CD44: variants seen among roughly 807,000 people sequenced by gnomAD.
The protein encoded by CD44 is CD44 antigen.
Under a neutral mutation model 88.8 loss-of-function variants are expected in CD44, and 49 were observed. That is an observed-to-expected ratio of 0.55 (90% CI 0.44 to 0.70). CD44 has a LOEUF of 0.70. CD44 is among the 30% of genes least tolerant of loss of function. CD44 has a pLI of 0.00. For missense variants in CD44, 883 were observed against 913.8 expected, an observed-to-expected ratio of 0.97 and a Z score of 0.43; for synonymous variants, 325 against 312.3, an observed-to-expected ratio of 1.04 and a Z score of -0.43.
At chr11:35,159,361 T>C (rs550095456) in intron 1 of CD44, among the ~76,000 whole-genome samples, 1 of 152,366 alleles carries the variant, frequency 6.6e-6, no homozygotes, top group South Asian at 2.1e-4. Context: ...TAGGAGTATT[T>C]ACATGTGTGT....
At chr11:35,197,078 AT>A in intron 6 of CD44, 1 of 545,342 alleles carries the variant, frequency 1.8e-6, no homozygotes, top group Non-Finnish European at 3.3e-6. Flanking sequence ...TAATCTATGG[AT>A]TAGTATAGAC....
At chr11:35,205,613 G>A (rs187580253) in intron 10 of CD44, 4 of 159,928 alleles carry the variant, frequency 2.5e-5, no homozygotes, top group African/African-American at 4.8e-5. Flanking sequence ...TGCTTCTAAC[G>A]GATTCCATTC....
At chr11:35,180,161 C>T in intron 2 of CD44, 113 bp from the exon 3 acceptor site, 16 of 1,058,870 alleles carry the variant, frequency 1.5e-5, no homozygotes, top group Non-Finnish European at 2.3e-5. Context: ...CTCCGATATC[C>T]CTAGGGGTGA....
chr11:35,170,851 T>TG (rs1943793269), intron 1 of CD44, among the ~76,000 whole-genome samples: 1 of 152,238 alleles, frequency 6.6e-6, no homozygotes, highest in Non-Finnish European at 1.5e-5. Context: ...CCAGAGACAC[T>TG]GGCACTCTGT....
At chr11:35,198,321 T>C in intron 7 of CD44, 75 bp downstream of exon 7, 7 of 1,395,254 alleles carry the variant, frequency 5.0e-6, no homozygotes, top group Non-Finnish European at 6.9e-6. Context: ...AAATTGTATC[T>C]CTCTTGAGAA....
At position 35,189,947 on chromosome 11, in the gene CD44, C is replaced by T; in HGVS notation, c.549C>T (p.Ser183=). 2.5e-6 allele frequency: 4 copies of T among 1,613,958 alleles called. No homozygotes were observed. The highest frequency in any genetic ancestry group is 3.4e-6 in the Non-Finnish European group (4 of 1,179,802). Residue 183 remains serine, a synonymous_variant, in exon 5 of 18, where the codon TCC becomes TCT. Coordinates refer to ENST00000428726, the MANE Select transcript of CD44 (RefSeq NM_000610.4). ...ATGATGACGTGAGCAGCGGCTCCTCCAGTGAAAGGAGCAGCACTTCAGGAG... is the reference window on the plus strand; with the variant it reads ...ATGATGACGTGAGCAGCGGCTCCTCTAGTGAAAGGAGCAGCACTTCAGGAG... The part of the protein sequence containing the change: ...PTDDDVSSGS[S]SERSSTSGGY...
chr11:35,146,298 G>A (rs2133068328), intron 1 of CD44, among the ~76,000 whole-genome samples: 1 of 152,284 alleles, frequency 6.6e-6, no homozygotes, highest in African/African-American at 2.4e-5. Context: ...GCAAAACTCC[G>A]GGGTTGAGGG....
At chr11:35,142,490 C>T (rs1378833434) in intron 1 of CD44, among the ~76,000 whole-genome samples, 3 of 152,054 alleles carry the variant, frequency 2.0e-5, no homozygotes, top group Non-Finnish European at 2.9e-5. Context: ...CGTCTGAGAG[C>T]CCTGGGTCTT....
intron 1 of CD44, among the ~76,000 whole-genome samples, chr11:35,149,498 T>C (rs1180196254): frequency 6.6e-6 from 1 of 152,268 alleles, no homozygotes; most frequent in Non-Finnish European, 1.5e-5. Flanking sequence ...TAAAGCTTAA[T>C]GTTTAGTTCA....
intron 1 of CD44, among the ~76,000 whole-genome samples, chr11:35,166,466 C>T (rs1049901032): frequency 1.2e-4 from 18 of 152,236 alleles, no homozygotes; most frequent in African/African-American, 4.1e-4. Context: ...CAGTACTGTT[C>T]TCCAAACTCT....
In CD44 at chr11:35,211,387, C is replaced by T. The variant is rs139615282; in HGVS notation, c.1748C>T (p.Ser583Phe). 20 of 1,613,822 alleles carry T rather than the reference C, an allele frequency of 1.2e-5. No homozygotes were observed. The African/African-American group carries it at 2.3e-4, about 18-fold the overall frequency. Residue 583 changes from serine (S) to phenylalanine (F), a missense_variant, in exon 14 of 18, where the codon TCC becomes TTC. This residue lies in a region of CD44 where 631 missense variants were observed against 590.9 expected (regional missense o/e 1.07). Coordinates refer to ENST00000428726, the MANE Select transcript of CD44 (RefSeq NM_000610.4). ...FIPVTSAKTG[S>F]FGVTAVTVGD... is the part of the protein sequence containing the mutation. ...CCAGTGACCTCAGCTAAGACTGGGT[C>T]CTTTGGAGTTACTGCAGTTACTGTT...
At chr11:35,177,779 T>C (rs949537573) in intron 2 of CD44, among the ~76,000 whole-genome samples, 1 of 152,246 alleles carries the variant, frequency 6.6e-6, no homozygotes, top group Non-Finnish European at 1.5e-5. Flanking sequence ...CTGTCTGATA[T>C]GGTAGCCACT....
At chr11:35,200,622 T>C (rs1453928393) in intron 7 of CD44, 2 of 157,838 alleles carry the variant, frequency 1.3e-5, no homozygotes, top group African/African-American at 4.8e-5. Flanking sequence ...CAACATAAAG[T>C]GATTATCATG....
chr11:35,204,701 C>T, intron 10 of CD44, 61 bp downstream of exon 10: 1 of 1,434,206 alleles, frequency 7.0e-7, no homozygotes, highest in Non-Finnish European at 9.7e-7. Flanking sequence ...AAACGGTAGA[C>T]ATTGAGGACA....
intron 17 of CD44, among the ~76,000 whole-genome samples, chr11:35,224,362 T>G (rs909767595): frequency 1.3e-5 from 2 of 152,212 alleles, no homozygotes; most frequent in African/African-American, 4.8e-5. Flanking sequence ...TATTCCCTTT[T>G]CATGAGAGCA....
At chr11:35,225,310 A>T (rs1392606319) in intron 17 of CD44, among the ~76,000 whole-genome samples, 1 of 152,090 alleles carries the variant, frequency 6.6e-6, no homozygotes, top group Non-Finnish European at 1.5e-5. Flanking sequence ...TACCCACCTA[A>T]ATCTTTTAAG....
chr11:35,208,243 T>C (rs765151754), intron 12 of CD44, 37 bp downstream of exon 12: 6 of 1,330,752 alleles, frequency 4.5e-6, no homozygotes, highest in Non-Finnish European at 4.3e-6. Flanking sequence ...TATTGACTTG[T>C]ATTCCTGCTT....
At chr11:35,188,711 G>A (rs191096441) in intron 4 of CD44, among the ~76,000 whole-genome samples, 1,647 of 152,204 alleles carry the variant, frequency 0.011, 17 homozygotes, top group Non-Finnish European at 0.015. Flanking sequence ...GCTGAGGCAG[G>A]CAGATCACCT....
chr11:35,172,864 G>T (rs1479028749), intron 1 of CD44, among the ~76,000 whole-genome samples: 1 of 151,816 alleles, frequency 6.6e-6, no homozygotes, highest in Non-Finnish European at 1.5e-5. Context: ...AAAAAAATTT[G>T]AAATCTATGT....
Sources: allele counts gnomAD v4.1 joint callset (sites outside exome capture counted in the v4.1 genomes callset), GRCh38; gene constraint gnomAD v4.1.1; regional missense constraint gnomAD v4.1.1; transcripts MANE v1.5; gene names NCBI Gene and HGNC (gene_info 2026-07-23, HGNC 2026-07-21).